Variants in RAD51B observed in about 807,000 individuals in gnomAD.
RAD51B encodes the protein RAD51 paralog B.
A neutral mutation model predicts 42.2 loss-of-function variants in RAD51B; 38 were observed. That is an observed-to-expected ratio of 0.90 (90% CI 0.70 to 1.18). The LOEUF (loss-of-function observed/expected upper bound fraction) is 1.18, where lower values mean the gene tolerates loss of function less well. Ranked by LOEUF, RAD51B falls within the 50% of genes most tolerant of loss-of-function variation. The pLI is 0.00. For synonymous variants in RAD51B, 154 were observed against 145.2 expected (o/e 1.06, Z -0.43); for missense variants, 373 against 400.7 (o/e 0.93, Z 0.59).
intron 9 of RAD51B, among the ~76,000 whole-genome samples, chr14:68,443,306 T>C (rs1197928514): frequency 6.6e-6 from 1 of 152,172 alleles, no homozygotes; most frequent in Non-Finnish European, 1.5e-5. Context: ...GCACATAGCA[T>C]GCTATTTTTT....
At chr14:68,561,035 C>A (rs1315631590) in intron 10 of RAD51B, among the ~76,000 whole-genome samples, 1 of 152,142 alleles carries the variant, frequency 6.6e-6, no homozygotes, top group East Asian at 1.9e-4. Flanking sequence ...CATGTTTTTG[C>A]CAGGGCCATC....
At chr14:68,133,728 TC>T (rs2077949156) in intron 7 of RAD51B, among the ~76,000 whole-genome samples, 1 of 152,160 alleles carries the variant, frequency 6.6e-6, no homozygotes, top group Non-Finnish European at 1.5e-5. Context: ...CGCCTTAGCC[TC>T]CCAAAGTGCT....
intron 10 of RAD51B, among the ~76,000 whole-genome samples, chr14:68,476,302 G>A (rs908387342): frequency 7.2e-5 from 11 of 152,278 alleles, no homozygotes; most frequent in African/African-American, 2.6e-4. Context: ...CTTGACAGAA[G>A]CCAATTTCTT....
chr14:68,072,070 AATATATAAAT>A lies in RAD51B; in HGVS notation c.756+184882_756+184891del, dbSNP rs1395325956. On this transcript the variant is annotated intron_variant, in intron 7 of 10. Transcript: ENST00000471583. Reference sequence around the variant, plus strand: ...ATATATAATTATATATATTTATATAAATATATAAATATATATAAATATATAATATATAAAA... The same window carrying A: ...ATATATAATTATATATATTTATATAAATATATAAATATATAATATATAAAA... 4.6e-4 allele frequency among the ~76,000 whole-genome samples: 48 copies of A among 104,710 alleles called. 3 individuals carry two copies. Among genetic ancestry groups the A allele is most frequent in the South Asian group, 8.2e-4 (3 of 3,640 alleles). 68.7% of individuals were successfully genotyped at this position (104,710 alleles called of 152,430 possible).
intron 11 of RAD51B, among the ~76,000 whole-genome samples, chr14:68,669,681 C>G (rs1055878097): frequency 2.0e-5 from 3 of 151,972 alleles, no homozygotes; most frequent in Non-Finnish European, 4.4e-5. Context: ...CCATTGCATT[C>G]CCATCACAAT....
chr14:67,852,914 C>T (rs1238720094), intron 4 of RAD51B, among the ~76,000 whole-genome samples: 4 of 152,124 alleles, frequency 2.6e-5, no homozygotes, highest in Non-Finnish European at 4.4e-5. Flanking sequence ...ATGTCACTCC[C>T]ATGATTATTA....
intron 11 of RAD51B, among the ~76,000 whole-genome samples, chr14:68,676,347 T>C (rs1436561377): frequency 6.6e-6 from 1 of 152,096 alleles, no homozygotes; most frequent in African/African-American, 2.4e-5. Flanking sequence ...TAAGCCACAT[T>C]TGGGGACACC....
At chr14:67,892,991 A>G (rs901507964) in intron 7 of RAD51B, among the ~76,000 whole-genome samples, 3 of 152,132 alleles carry the variant, frequency 2.0e-5, no homozygotes, top group Non-Finnish European at 2.9e-5. Flanking sequence ...CTTTTTCTGT[A>G]ATAAGCCATA....
intron 10 of RAD51B, among the ~76,000 whole-genome samples, chr14:68,576,500 A>G (rs1402254620): frequency 6.6e-6 from 1 of 152,196 alleles, no homozygotes; most frequent in Non-Finnish European, 1.5e-5. Context: ...TTCTAGGGAA[A>G]GTGTCTTTGC....
At chr14:68,088,125 A>G (rs929505185) in intron 7 of RAD51B, among the ~76,000 whole-genome samples, 2 of 149,420 alleles carry the variant, frequency 1.3e-5, no homozygotes, top group African/African-American at 4.9e-5. Flanking sequence ...AGAATTCCAG[A>G]TCAAAATCAA....
chr14:67,825,421 G>A, intron 2 of RAD51B, 43 bp from the exon 3 acceptor site: 2 of 1,385,806 alleles, frequency 1.4e-6, no homozygotes, highest in South Asian at 1.2e-5. Context: ...TAGTATCTTT[G>A]TTACACATAT....
In RAD51B at chr14:68,317,409, G is replaced by T. The variant is rs192475191; in HGVS notation, c.853+25429G>T. Among the ~76,000 whole-genome samples the T allele has an allele frequency of 2.5e-3, 373 of 152,228 alleles. 6 individuals carry two copies. Among genetic ancestry groups the T allele is most frequent in the African/African-American group, 8.4e-3 (348 of 41,480 alleles). On this transcript the variant is annotated intron_variant, in intron 8 of 10. Transcript: ENST00000471583. Reference sequence around the variant, plus strand: ...TACCCTTAAGAACTAGTAGTCCAGTGGTTTCTGTTAAATTTCAGTATGATG... The same window carrying T: ...TACCCTTAAGAACTAGTAGTCCAGTTGTTTCTGTTAAATTTCAGTATGATG...
intron 7 of RAD51B, among the ~76,000 whole-genome samples, chr14:67,957,546 A>G (rs7142210): frequency 0.27 from 41,541 of 152,088 alleles, 7,369 homozygotes; most frequent in African/African-American, 0.5. Flanking sequence ...GGACCAAAGA[A>G]ATGAAGATGG....
chr14:68,199,372 T>C (rs1205740333), intron 7 of RAD51B, among the ~76,000 whole-genome samples: 1 of 152,234 alleles, frequency 6.6e-6, no homozygotes, highest in Non-Finnish European at 1.5e-5. Context: ...CCCCTAGATC[T>C]TTTTCACATG....
At chr14:68,626,928 A>G (rs1490482762) in intron 10 of RAD51B, among the ~76,000 whole-genome samples, 1 of 152,154 alleles carries the variant, frequency 6.6e-6, no homozygotes, top group Non-Finnish European at 1.5e-5. Flanking sequence ...TGTTGAACCG[A>G]GACAGAAAAT....
chr14:68,480,529 C>A (rs1883095084), downstream of RAD51B, among the ~76,000 whole-genome samples: 1 of 152,104 alleles, frequency 6.6e-6, no homozygotes, highest in East Asian at 1.9e-4. Context: ...GATCCTGGGG[C>A]AACTGACAAA....
intron 7 of RAD51B, among the ~76,000 whole-genome samples, chr14:68,144,045 C>CT (rs1175730302): frequency 6.6e-6 from 1 of 151,864 alleles, no homozygotes; most frequent in African/African-American, 2.4e-5. Flanking sequence ...TGCTCATCAT[C>CT]TTTTTTTTCC....
chr14:67,931,244 C>T (rs1427801622), intron 7 of RAD51B, among the ~76,000 whole-genome samples: 1 of 152,016 alleles, frequency 6.6e-6, no homozygotes, highest in African/African-American at 2.4e-5. Context: ...TCAAAAGGCC[C>T]ATCTTCAGGT....
intron 7 of RAD51B, among the ~76,000 whole-genome samples, chr14:68,109,283 A>G (rs1351563996): frequency 6.6e-6 from 1 of 152,016 alleles, no homozygotes; most frequent in Non-Finnish European, 1.5e-5. Context: ...GTTTGTTAAA[A>G]TGCAGGCAAG....
Sources: allele counts gnomAD v4.1 joint callset (sites outside exome capture counted in the v4.1 genomes callset), GRCh38; gene constraint gnomAD v4.1.1; transcripts MANE v1.5; gene names NCBI Gene and HGNC (gene_info 2026-07-23, HGNC 2026-07-21).